OSR1: variants seen among roughly 807,000 people sequenced by gnomAD.
OSR1 encodes odd-skipped related transcription factor 1, also known as protein odd-skipped-related 1.
Under a neutral mutation model 15.7 loss-of-function variants are expected in OSR1, and 3 were observed. The observed-to-expected ratio is 0.19, with a 90% CI of 0.09 to 0.50. The LOEUF (loss-of-function observed/expected upper bound fraction) is 0.50. Among genes scored for constraint, OSR1 ranks in the 20% least tolerant of loss-of-function variants. The pLI is 0.97. For synonymous variants in OSR1, 166 were observed against 152.7 expected, an observed-to-expected ratio of 1.09 and a Z score of -0.64; for missense variants, 271 against 351.1, an observed-to-expected ratio of 0.77 and a Z score of 1.82.
In OSR1 at chr2:19,353,326, C is replaced by A. The variant is rs1247687590; in HGVS notation, c.480G>T (p.Lys160Asn). ...AAGGCAGACGTCCCCTTGTGGGCTT[C>A]TTTTCTGGAGACAGCTTGGTCACGT... is the stretch of plus-strand genomic sequence containing the variant. ...LLDVTKLSPE[K>N]KPTRGRLPSK... The change falls in exon 2 of 3, where the codon AAG becomes AAT. Residue 160 changes from lysine to asparagine, a missense_variant. Transcript: ENST00000272223. 6.2e-7 allele frequency: 1 copy of A among 1,614,138 alleles called. No individual in the cohort carries two copies. The highest frequency in any genetic ancestry group is 1.3e-5 in the African/African-American group (1 of 74,944).
downstream of OSR1, among the ~76,000 whole-genome samples, chr2:19,350,172 G>C (rs768140487): frequency 6.6e-6 from 1 of 152,196 alleles, no homozygotes; most frequent in African/African-American, 2.4e-5. Context: ...GTGGGTCCTG[G>C]GGCCAGTCAA....
chr2:19,352,035 T>TGAGTACC lies in OSR1; in HGVS notation c.*233_*239dup. The TGAGTACC allele has an allele frequency of 5.0e-6, 2 of 398,510 alleles. No individual in the cohort carries two copies. Among genetic ancestry groups the TGAGTACC allele is most frequent in the Non-Finnish European group, 8.9e-6 (2 of 224,568 alleles). The allele number at this position is 398,510 out of a possible 1,614,324, so 24.7% of individuals were successfully genotyped here. ...TTAATGCAGTTTCCCTTCCGCCACG[T>TGAGTACC]GAGTACCGCCTTTTGGCCAAGAGTT... On this transcript the variant is annotated 3_prime_UTR_variant, in exon 3 of 3. Transcript: ENST00000272223.
At chr2:19,350,974 G>A (rs1369542031), downstream of OSR1, among the ~76,000 whole-genome samples, 5 of 152,150 alleles carry the variant, frequency 3.3e-5, no homozygotes, top group African/African-American at 1.2e-4. Flanking sequence ...TTGTGTATTT[G>A]CACCCGAGTG....
chr2:19,350,385 C>A (rs1664813379), downstream of OSR1, among the ~76,000 whole-genome samples: 2 of 151,882 alleles, frequency 1.3e-5, no homozygotes, highest in Admixed American at 6.5e-5. Context: ...AAGTTCTAGC[C>A]CGCACAGGAC....
At chr2:19,346,037 C>T in the OSR1 span, among the ~76,000 whole-genome samples, 1 of 152,228 alleles carries the variant, frequency 6.6e-6, no homozygotes, top group Non-Finnish European at 1.5e-5. Context: ...ATGCAACTGT[C>T]TACCTACAGG....
At chr2:19,352,799 ATAAAAC>A (rs1664866479) in intron 2 of OSR1, among the ~76,000 whole-genome samples, 1 of 152,242 alleles carries the variant, frequency 6.6e-6, no homozygotes, top group Non-Finnish European at 1.5e-5. Context: ...TTAAAATTAA[ATAAAAC>A]TAAATTAGTT....
chr2:19,357,147 G>A lies in OSR1; in HGVS notation c.-33+1194C>T, dbSNP rs1207357322. On this transcript the variant is annotated intron_variant, in intron 1 of 2. Transcript: ENST00000272223. The surrounding 1 kb of genome is among the most constrained non-coding windows in gnomAD (Gnocchi z 5.0). ...CCGGCTGCACTTAAATGTCCGCTGC[G>A]TCCTCGGTGATCCATTCCCCAATCT... Among the ~76,000 whole-genome samples, 1 of 152,110 alleles carries A rather than the reference G, an allele frequency of 6.6e-6. No homozygotes were observed. The highest frequency in any genetic ancestry group is 1.5e-5 in the Non-Finnish European group (1 of 68,034).
At chr2:19,350,664 G>C (rs45480194), downstream of OSR1, among the ~76,000 whole-genome samples, 1 of 152,116 alleles carries the variant, frequency 6.6e-6, no homozygotes, top group East Asian at 2.0e-4. Flanking sequence ...GCTGGGGGGA[G>C]CCCCGCCTTG....
chr2:19,353,983 C>T (rs1206007354), intron 1 of OSR1, 146 bp from the exon 2 acceptor site: 2 of 663,954 alleles, frequency 3.0e-6, no homozygotes, highest in Non-Finnish European at 5.0e-6. Context: ...TCCCAAAACC[C>T]ACTGCCCTCA....
the OSR1 span, among the ~76,000 whole-genome samples, chr2:19,346,213 A>G: frequency 6.6e-6 from 1 of 152,238 alleles, no homozygotes; most frequent in South Asian, 2.1e-4. Context: ...TGCTGATGAG[A>G]GCCAACTCAG....
chr2:19,353,390 C>T lies in OSR1; in HGVS notation c.416G>A (p.Gly139Asp). 1 of 1,614,066 alleles carries T rather than the reference C, an allele frequency of 6.2e-7. No individual in the cohort carries two copies. The highest frequency in any genetic ancestry group is 8.5e-7 in the Non-Finnish European group (1 of 1,179,984). ...CAGCCCACCTGCAGGGGAGCCTGGG[C>T]CCTCCCCGCGACCGAGCTTGGCCGG... Reference protein sequence around the residue: ...EDPAKLGRGEGPGSPAGGLGA... With the variant: ...EDPAKLGRGEDPGSPAGGLGA... The change falls in exon 2 of 3, where the codon GGC (glycine) becomes GAC (aspartate). Residue 139 changes from glycine (G) to aspartate (D), a missense_variant. Physicochemically the swap from Gly to Asp is moderately conservative, Grantham distance 94 (BLOSUM62 -1). Coordinates refer to ENST00000272223, the MANE Select transcript of OSR1 (RefSeq NM_145260.3).
At position 19,353,126 on chromosome 2, in the gene OSR1, C is replaced by A; in HGVS notation, c.665+15G>T. On this transcript the variant is annotated intron_variant, in intron 2 of 2. Coordinates refer to ENST00000272223, the MANE Select transcript of OSR1 (RefSeq NM_145260.3). ...AGGCAGAGAGCTCTCTCTTGCGCCA[C>A]CCGCAGTGCCGCACCTGTGGTCTCG... The A allele has an allele frequency of 6.2e-7, 1 of 1,611,396 alleles. No individual in the cohort carries two copies. The highest frequency in any genetic ancestry group is 1.1e-5 in the South Asian group (1 of 91,050).
Position 19,352,004 on chromosome 2 carries a change from C to G in OSR1, c.*271G>C. ...GCTGCGGCTCCGCGGAGCTTTCGTTCTTTTTTTAATGCAGTTTCCCTTCCG... is the reference window on the plus strand; with the variant it reads ...GCTGCGGCTCCGCGGAGCTTTCGTTGTTTTTTTAATGCAGTTTCCCTTCCG... On this transcript the variant is annotated 3_prime_UTR_variant, in exon 3 of 3. Transcript: ENST00000272223. 1 of 352,826 alleles carries G rather than the reference C, an allele frequency of 2.8e-6. No homozygotes were observed. 21.9% of individuals were successfully genotyped at this position (352,826 alleles called of 1,614,324 possible). A position where few individuals can be genotyped will look rare whatever the true frequency, so the allele number is the denominator to read the frequency against.
rs572833496 is a variant in OSR1, at chr2:19,351,936, A to G, written c.*339T>C. On this transcript the variant is annotated 3_prime_UTR_variant, in exon 3 of 3. Coordinates refer to ENST00000272223, the MANE Select transcript of OSR1 (RefSeq NM_145260.3). ...AAGACAAAAATAAAAAAGAAAACGT[A>G]TAAAATAACAATAGAAAAAGTAATA... 1 of 203,770 alleles carries G rather than the reference A, an allele frequency of 4.9e-6. No individual in the cohort carries two copies. Among genetic ancestry groups the G allele is most frequent in the Admixed American group, 5.7e-5 (1 of 17,676 alleles). The allele number at this position is 203,770 out of a possible 1,614,324, so 12.6% of individuals were successfully genotyped here.
chr2:19,351,163 ACT>A (rs777161907), downstream of OSR1, among the ~76,000 whole-genome samples: 6 of 152,010 alleles, frequency 3.9e-5, no homozygotes, highest in East Asian at 3.9e-4. Context: ...GCACCCAGAG[ACT>A]CTGGGATTTC....
At chr2:19,345,048 TTGTATATA>T in the OSR1 span, among the ~76,000 whole-genome samples, 1 of 152,110 alleles carries the variant, frequency 6.6e-6, no homozygotes, top group Admixed American at 6.6e-5. Context: ...TATATAATTT[TTGTATATA>T]TGTATATATA....
intron 2 of OSR1, among the ~76,000 whole-genome samples, chr2:19,352,756 G>A (rs973539256): frequency 6.6e-6 from 1 of 152,172 alleles, no homozygotes; most frequent in South Asian, 2.1e-4. Flanking sequence ...GATGGTAGCC[G>A]CTAGCATGTG....
chr2:19,353,392 C>T lies in OSR1; in HGVS notation c.414G>A (p.Glu138=), dbSNP rs750333482. ...GCCCACCTGCAGGGGAGCCTGGGCC[C>T]TCCCCGCGACCGAGCTTGGCCGGAT... The part of the protein sequence containing the change: ...QEDPAKLGRG[E]GPGSPAGGLG... Residue 138 remains glutamate (E), a synonymous_variant, in exon 2 of 3, where the codon GAG becomes GAA. Coordinates refer to ENST00000272223, the MANE Select transcript of OSR1 (RefSeq NM_145260.3). 19 of 1,614,104 alleles carry T rather than the reference C, an allele frequency of 1.2e-5. No homozygotes were observed. Among genetic ancestry groups the T allele is most frequent in the Non-Finnish European group, 1.6e-5 (19 of 1,179,984 alleles).
intron 2 of OSR1, 58 bp downstream of exon 2, chr2:19,353,083 G>A: frequency 3.8e-6 from 6 of 1,579,030 alleles, no homozygotes; most frequent in Non-Finnish European, 5.2e-6. Flanking sequence ...TCGTTAGGGA[G>A]AAAGATGGTG....
Sources: allele counts gnomAD v4.1 joint callset (sites outside exome capture counted in the v4.1 genomes callset), GRCh38; gene constraint gnomAD v4.1.1; non-coding constraint Gnocchi (gnomAD v3.1); transcripts MANE v1.5; gene names NCBI Gene and HGNC (gene_info 2026-07-23, HGNC 2026-07-21).